The following ZNF418 variants were observed in gnomAD, a reference collection of about 807,000 sequenced individuals.
ZNF418 encodes the protein zinc finger protein 418.
In ZNF418, 32 loss-of-function variants were observed where a neutral mutation model predicts 32.0. That is an observed-to-expected ratio of 1.00 (90% CI 0.75 to 1.34). The LOEUF (loss-of-function observed/expected upper bound fraction) is 1.34. ZNF418 is among the 40% of genes most tolerant of loss of function. The pLI is 0.00. For missense variants in ZNF418, 804 were observed against 812.5 expected (o/e 0.99, Z 0.13); for synonymous variants, 276 against 270.7 (o/e 1.02, Z -0.19).
At chr19:57,929,809 A>T (rs1452004848) in intron 3 of ZNF418, among the ~76,000 whole-genome samples, 3 of 151,530 alleles carry the variant, frequency 2.0e-5, no homozygotes, top group Non-Finnish European at 4.4e-5. Flanking sequence ...CAGCCTCCCT[A>T]GTAGCTGGGA....
chr19:57,930,967 G>A (rs1488935173), intron 2 of ZNF418, among the ~76,000 whole-genome samples: 1 of 151,922 alleles, frequency 6.6e-6, no homozygotes, highest in Non-Finnish European at 1.5e-5. Context: ...AGTAGAGACA[G>A]GGTTTCACCA....
intron 5 of ZNF418, among the ~76,000 whole-genome samples, 163 bp from the exon 6 acceptor site, chr19:57,922,792 A>C (rs2072041801): frequency 1.3e-5 from 2 of 151,858 alleles, no homozygotes; most frequent in African/African-American, 4.8e-5. Context: ...TGAGCTCAGG[A>C]GTTTTGAGAG....
chr19:57,930,028 G>A (rs1373250384), intron 3 of ZNF418, among the ~76,000 whole-genome samples: 1 of 152,210 alleles, frequency 6.6e-6, no homozygotes, highest in Non-Finnish European at 1.5e-5. Flanking sequence ...GGTCTATGTA[G>A]GCAGTGACAA....
At chr19:57,929,652 CAGGAA>C (rs1214856702) in intron 3 of ZNF418, among the ~76,000 whole-genome samples, 2 of 151,924 alleles carry the variant, frequency 1.3e-5, no homozygotes, top group African/African-American at 4.8e-5. Context: ...TGACAACACA[CAGGAA>C]AGGAAACTAA....
At position 57,926,982 on chromosome 19, in the gene ZNF418, C is replaced by T. The variant is rs761208037; in HGVS notation, c.1199G>A (p.Cys400Tyr). Residue 400 changes from cysteine to tyrosine, a missense_variant, in exon 4 of 6, where the codon TGT becomes TAT. Physicochemically the swap from Cys to Tyr is radical, Grantham distance 194. This residue lies in a region of ZNF418 where 475 missense variants were observed against 458.6 expected (regional missense o/e 1.04). Transcript: ENST00000396147. ...ACTAAAAGATTTCCCACATTCTCCA[C>T]ACTCATAAGGTCGTTCTCTAGTGTG... ...RVHTRERPYE[C>Y]GECGKSFSRK... 3 of 1,614,146 alleles carry T rather than the reference C, an allele frequency of 1.9e-6. No homozygotes were observed. Among genetic ancestry groups the T allele is most frequent in the Middle Eastern group, 1.6e-4 (1 of 6,062 alleles).
chr19:57,934,712 A>G (rs964353126), intron 1 of ZNF418: 6 of 210,846 alleles, frequency 2.8e-5, no homozygotes, highest in Non-Finnish European at 5.6e-5. Context: ...TCAACAAAGG[A>G]GTCAACCTCC....
chr19:57,927,190 TAATG>T lies in ZNF418; in HGVS notation c.987_990del (p.Ile330AsnfsTer55). ...TCTCCAGTGTGAACTCGTTGATGTT[TAATG>T]AGAGTACCATTTTGACTAAAAGATT... On this transcript the variant is annotated frameshift_variant, in exon 4 of 6. Coordinates refer to ENST00000396147, the MANE Select transcript of ZNF418 (RefSeq NM_133460.3). LOFTEE classifies it low-confidence loss of function (END_TRUNC). 6.2e-7 allele frequency: 1 copy of T among 1,613,512 alleles called. No homozygotes were observed. The highest frequency in any genetic ancestry group is 8.5e-7 in the Non-Finnish European group (1 of 1,179,882).
rs1414303885 is a variant in ZNF418 at position 57,927,256 on chromosome 19, T to C, written c.925A>G (p.Thr309Ala). ...GSLVQHQRVH[T>A]GERPYECGEC... ...CCACACTCATAAGGTCTTTCTCCAG[T>C]ATGAACTCGCTGATGCTGAACAAGG... is the stretch of plus-strand genomic sequence containing the variant. The change falls in exon 4 of 6, where the codon ACT (threonine) becomes GCT (alanine). Residue 309 changes from threonine (T) to alanine (A), a missense_variant. Coordinates refer to ENST00000396147, the MANE Select transcript of ZNF418 (RefSeq NM_133460.3). The C allele has an allele frequency of 6.2e-7, 1 of 1,614,108 alleles. No homozygotes were observed. Among genetic ancestry groups the C allele is most frequent in the Non-Finnish European group, 8.5e-7 (1 of 1,180,046 alleles).
At chr19:57,931,479 G>A (rs1043411311) in intron 2 of ZNF418, among the ~76,000 whole-genome samples, 1 of 152,172 alleles carries the variant, frequency 6.6e-6, no homozygotes, top group South Asian at 2.1e-4. Flanking sequence ...TGGGATTATA[G>A]GCATAAGCCA....
intron 2 of ZNF418, chr19:57,932,369 C>T: frequency 6.7e-7 from 1 of 1,498,144 alleles, no homozygotes; most frequent in South Asian, 1.2e-5. Flanking sequence ...GGCCTTATGC[C>T]ACAATGTGGC....
At chr19:57,933,596 C>T (rs982998933) in intron 2 of ZNF418, among the ~76,000 whole-genome samples, 1 of 152,136 alleles carries the variant, frequency 6.6e-6, no homozygotes, top group African/African-American at 2.4e-5. Flanking sequence ...TGACGGGCGC[C>T]TGTAGTCCCA....
rs1600179182 is a variant in ZNF418 at position 57,930,515 on chromosome 19, G to A, written c.46C>T (p.Gln16Ter). The A allele has an allele frequency of 6.2e-7, 1 of 1,614,090 alleles. No homozygotes were observed. The highest frequency in any genetic ancestry group is 8.5e-7 in the Non-Finnish European group (1 of 1,180,018). The change falls in exon 3 of 6, where the codon CAG becomes TAG. Residue 16 changes from glutamine (Q) to a stop codon, truncating the protein, a stop_gained. Transcript: ENST00000396147. LOFTEE classifies it high-confidence loss of function. ...TCACTAAGGAGACTCCACTCCTCCT[G>A]GGAAAAGTTCACAGCCACATCTTCA... is the stretch of plus-strand genomic sequence containing the variant. ...AFEDVAVNFS[Q>*]EEWSLLSEVQ...
At chr19:57,932,644 G>A (rs149495786) in intron 2 of ZNF418, 1 of 1,427,538 alleles carries the variant, frequency 7.0e-7, no homozygotes, top group Non-Finnish European at 9.1e-7. Flanking sequence ...TATGGAGAAT[G>A]GTCTAAGAAA....
At position 57,926,047 on chromosome 19, in the gene ZNF418, G is replaced by T; in HGVS notation, c.*103C>A. On this transcript the variant is annotated 3_prime_UTR_variant, in exon 4 of 6. Transcript: ENST00000396147. ...TAATAAAACAAGACTTCTGCATAAA[G>T]AATATCCCACGTTTGTCACACTCAT... The T allele has an allele frequency of 1.0e-6, 1 of 993,338 alleles. No homozygotes were observed. The highest frequency in any genetic ancestry group is 1.5e-6 in the Non-Finnish European group (1 of 675,684). The allele number at this position is 993,338 out of a possible 1,614,324, so 61.5% of individuals were successfully genotyped here.
At chr19:57,929,463 A>G (rs1320742356) in intron 3 of ZNF418, among the ~76,000 whole-genome samples, 2 of 152,170 alleles carry the variant, frequency 1.3e-5, no homozygotes, top group Non-Finnish European at 2.9e-5. Context: ...TAAGGCAAAG[A>G]TAGGGCAGAA....
rs1338082523 is a variant in ZNF418 at position 57,927,963 on chromosome 19, C to G, written c.218G>C (p.Gly73Ala). The part of the protein sequence containing the change: ...IQRVSQVSTP[G>A]AGVSPKKAHS... ...GGCCTTCTTGGGAGACACACCTGCC[C>G]CAGGAGTGCTGACCTGAGACACTCT... is the stretch of plus-strand genomic sequence containing the variant. The change falls in exon 4 of 6, where the codon GGG becomes GCG. Residue 73 changes from glycine (G) to alanine (A), a missense_variant. Transcript: ENST00000396147. 1 of 1,611,820 alleles carries G rather than the reference C, an allele frequency of 6.2e-7. No homozygotes were observed. Among genetic ancestry groups the G allele is most frequent in the Non-Finnish European group, 8.5e-7 (1 of 1,178,540 alleles).
chr19:57,928,977 A>C (rs2072367411), intron 3 of ZNF418, among the ~76,000 whole-genome samples: 1 of 149,570 alleles, frequency 6.7e-6, no homozygotes, highest in Non-Finnish European at 1.5e-5. Context: ...CTGGGCGACA[A>C]AGAGAGACTC....
chr19:57,934,815 C>T (rs116844257), intron 1 of ZNF418: 18,045 of 303,770 alleles, frequency 0.059, 714 homozygotes, highest in Middle Eastern at 0.08. Context: ...TCCCTCCTTT[C>T]TTCGAAACTC....
In ZNF418 at chr19:57,927,914, C is replaced by T. The variant is rs368368590; in HGVS notation, c.267G>A (p.Ala89=). The change falls in exon 4 of 6, where the codon GCG becomes GCA. Residue 89 remains alanine, a synonymous_variant. Coordinates refer to ENST00000396147, the MANE Select transcript of ZNF418 (RefSeq NM_133460.3). The stretch of plus-strand genomic sequence containing the variant: ...CCAAGTGCAAAATGTCTCCCAAGAT[C>T]GCGCCACACATTTCACAAGAGTGGG... ...KKAHSCEMCG[A]ILGDILHLAD... The T allele has an allele frequency of 4.8e-5, 77 of 1,613,964 alleles. No homozygotes were observed. The highest frequency in any genetic ancestry group is 2.1e-4 in the South Asian group (19 of 91,084).
Sources: allele counts gnomAD v4.1 joint callset (sites outside exome capture counted in the v4.1 genomes callset), GRCh38; gene constraint gnomAD v4.1.1; regional missense constraint gnomAD v4.1.1; transcripts MANE v1.5; gene names NCBI Gene and HGNC (gene_info 2026-07-23, HGNC 2026-07-21).